Variants in VPS13D observed in about 807,000 individuals in gnomAD.
VPS13D encodes intermembrane lipid transfer protein VPS13D.
In VPS13D, 187 loss-of-function variants were observed where a neutral mutation model predicts 461.9. That is an observed-to-expected ratio of 0.40 (90% CI 0.36 to 0.46). The LOEUF (loss-of-function observed/expected upper bound fraction) is 0.46, where lower values mean the gene tolerates loss of function less well. Ranked by LOEUF, VPS13D falls within the 20% of genes least tolerant of loss-of-function variation. The probability of loss-of-function intolerance (pLI) is 0.60; values close to 1 mark genes in which losing one functional copy is unlikely to be tolerated. For synonymous variants in VPS13D, 1,951 were observed against 1,986.3 expected (o/e 0.98, Z 0.47); for missense variants, 4,711 against 5,364.9 (o/e 0.88, Z 3.81).
intron 66 of VPS13D, among the ~76,000 whole-genome samples, 184 bp downstream of exon 66, chr1:12,456,314 C>G (rs1289900043): frequency 6.6e-6 from 1 of 151,840 alleles, no homozygotes; most frequent in Non-Finnish European, 1.5e-5. Context: ...CCAGCCTGGC[C>G]AACACAGTGA....
rs916546453 is a variant in VPS13D, at chr1:12,350,239, T to C, written c.9431+865T>C. On this transcript the variant is annotated intron_variant, in intron 46 of 69. Transcript: ENST00000620676. ...ACAGATTATACATTCTTTTCAAGTA[T>C]ATGTGGAACACTTATCAAGAGAGAT... Among the ~76,000 whole-genome samples, 4 of 152,184 alleles carry C rather than the reference T, an allele frequency of 2.6e-5. 1 individual carries two copies. The highest frequency in any genetic ancestry group is 5.9e-5 in the Non-Finnish European group (4 of 68,006).
chr1:12,387,211 C>G (rs12091072), intron 60 of VPS13D, among the ~76,000 whole-genome samples: 18,835 of 152,138 alleles, frequency 0.12, 2,213 homozygotes, highest in African/African-American at 0.31. Context: ...AAGCCTTGCC[C>G]TCATGATTAA....
At position 12,369,546 on chromosome 1, in the gene VPS13D, A is replaced by T. The variant is rs1644088458; in HGVS notation, c.10652A>T (p.Tyr3551Phe). The T allele has an allele frequency of 6.2e-7, 1 of 1,614,122 alleles. No homozygotes were observed. The highest frequency in any genetic ancestry group is 2.2e-5 in the East Asian group (1 of 44,892). Residue 3551 changes from tyrosine (Y) to phenylalanine (F), a missense_variant, in exon 54 of 70, where the codon TAT becomes TTT. Coordinates refer to ENST00000620676, the MANE Select transcript of VPS13D (RefSeq NM_015378.4). ...TEVKPMTSLDYAWDEPTLPPF... is the reference protein window; with the variant it reads ...TEVKPMTSLDFAWDEPTLPPF... ...GTGAAGCCCATGACTTCATTGGATT[A>T]TGCCTGGGACGAACCCACCTTGCCA...
chr1:12,348,645 A>G (rs962619175), intron 44 of VPS13D, among the ~76,000 whole-genome samples, 178 bp from the exon 45 acceptor site: 1 of 151,930 alleles, frequency 6.6e-6, no homozygotes, highest in African/African-American at 2.4e-5. Context: ...TTTTTTTAAC[A>G]GTGTATAGGA....
chr1:12,271,814 G>A (rs1372669733), intron 17 of VPS13D, among the ~76,000 whole-genome samples: 2 of 152,192 alleles, frequency 1.3e-5, no homozygotes, highest in African/African-American at 4.8e-5. Flanking sequence ...ATTCTAGGGT[G>A]TGATGATTAG....
chr1:12,317,062 T>C (rs1642908022), intron 30 of VPS13D, among the ~76,000 whole-genome samples: 1 of 141,118 alleles, frequency 7.1e-6, no homozygotes, highest in African/African-American at 2.6e-5. Context: ...GTAAATGTCA[T>C]CTTACTTGTT....
At chr1:12,489,176 A>G (rs770280264) in intron 67 of VPS13D, among the ~76,000 whole-genome samples, 2 of 152,210 alleles carry the variant, frequency 1.3e-5, no homozygotes, top group Non-Finnish European at 2.9e-5. Context: ...CAGTTGACTA[A>G]GAAAAAAAAT....
intron 63 of VPS13D, chr1:12,407,447 A>G (rs986468269): frequency 6.6e-6 from 1 of 152,208 alleles, no homozygotes; most frequent in African/African-American, 2.4e-5. Flanking sequence ...GCTTATGAAC[A>G]CAAGATTGCC....
At chr1:12,278,122 T>C in intron 19 of VPS13D, 84 bp downstream of exon 19, 1 of 1,367,798 alleles carries the variant, frequency 7.3e-7, no homozygotes, top group Non-Finnish European at 9.9e-7. Context: ...ACAGCAACAA[T>C]AAAATCCTTT....
chr1:12,365,299 T>A (rs966214301), intron 52 of VPS13D, among the ~76,000 whole-genome samples: 3 of 152,238 alleles, frequency 2.0e-5, no homozygotes, highest in Non-Finnish European at 2.9e-5. Flanking sequence ...AAAAATGCTA[T>A]TGGGATGTTG....
Position 12,389,609 on chromosome 1 carries a change from G to GAAAT in VPS13D, c.11634+3277_11634+3280dup, listed in dbSNP as rs373601967. 5.5e-3 allele frequency among the ~76,000 whole-genome samples: 836 copies of GAAAT among 152,260 alleles called. 7 individuals are homozygous for GAAAT. Among genetic ancestry groups the GAAAT allele is most frequent in the African/African-American group, 0.018 (759 of 41,564 alleles). On this transcript the variant is annotated intron_variant, in intron 60 of 69. Coordinates refer to ENST00000620676, the MANE Select transcript of VPS13D (RefSeq NM_015378.4). ...AACATGTTTTTAACAAAAGAAAGAG[G>GAAAT]AAATACTCATGACAATTGCAGTCCT...
intron 15 of VPS13D, 99 bp downstream of exon 15, chr1:12,268,019 T>C: frequency 9.9e-7 from 1 of 1,007,400 alleles, no homozygotes. Context: ...TGGAGTGCAG[T>C]GGTGTGATCT....
chr1:12,325,739 A>G (rs1643164383), intron 35 of VPS13D, among the ~76,000 whole-genome samples: 1 of 152,218 alleles, frequency 6.6e-6, no homozygotes, highest in African/African-American at 2.4e-5. Context: ...GCATCTTCCC[A>G]TGTCATTGAA....
intron 2 of VPS13D, among the ~76,000 whole-genome samples, chr1:12,237,647 C>G (rs1640199571): frequency 6.7e-6 from 1 of 150,366 alleles, no homozygotes; most frequent in Non-Finnish European, 1.5e-5. Context: ...GGTGAGATCC[C>G]TTCTCTAAAA....
chr1:12,263,427 A>C (rs1569728993), intron 13 of VPS13D, among the ~76,000 whole-genome samples: 1 of 152,230 alleles, frequency 6.6e-6, no homozygotes, highest in East Asian at 1.9e-4. Context: ...ACAGAGTGCC[A>C]TGAGGATTAA....
intron 21 of VPS13D, 72 bp from the exon 22 acceptor site, chr1:12,288,151 C>A: frequency 7.6e-7 from 1 of 1,316,164 alleles, no homozygotes. Context: ...TCCTTGATTG[C>A]TCTGCCGTTT....
In VPS13D at chr1:12,396,918, A is replaced by G. The variant is rs61298400; in HGVS notation, c.11635-3263A>G. ...CCTTAACTTTATTCTTTACTTTAAA[A>G]AGTTGTTTGTTTGTTTATTTGTTTG... On this transcript the variant is annotated intron_variant, in intron 60 of 69. Coordinates refer to ENST00000620676, the MANE Select transcript of VPS13D (RefSeq NM_015378.4). Among the ~76,000 whole-genome samples, 1,057 of 152,114 alleles carry G rather than the reference A, an allele frequency of 6.9e-3. 13 individuals are homozygous for G. Among genetic ancestry groups the G allele is most frequent in the African/African-American group, 0.025 (1,024 of 41,472 alleles).
intron 65 of VPS13D, among the ~76,000 whole-genome samples, chr1:12,418,182 A>G (rs1644819694): frequency 2.0e-5 from 3 of 152,226 alleles, no homozygotes; most frequent in South Asian, 4.1e-4. Flanking sequence ...TGCTGGGATT[A>G]CAGGTGTGAG....
intron 67 of VPS13D, among the ~76,000 whole-genome samples, chr1:12,482,874 T>C (rs1234945057): frequency 6.6e-6 from 1 of 151,060 alleles, no homozygotes; most frequent in Non-Finnish European, 1.5e-5. Flanking sequence ...TCCACAATGG[T>C]GCTAGAACGT....
Sources: gnomAD v4.1 joint callset for allele counts (sites outside exome capture counted in the v4.1 genomes callset) on GRCh38, gnomAD v4.1.1 for gene constraint, MANE v1.5 for transcripts, NCBI Gene and HGNC (gene_info 2026-07-23, HGNC 2026-07-21) for gene names.